Variants in NBAS observed in about 807,000 individuals in gnomAD.
The protein encoded by NBAS is NBAS subunit of NRZ tethering complex.
Under a neutral mutation model 302.5 loss-of-function variants are expected in NBAS, and 219 were observed. The observed-to-expected ratio is 0.72, with a 90% CI of 0.65 to 0.81. The LOEUF (loss-of-function observed/expected upper bound fraction) is 0.81. NBAS is among the 30% of genes least tolerant of loss of function. NBAS has a pLI of 0.00. For missense variants in NBAS, 2,932 were observed against 2,841.6 expected (o/e 1.03, Z -0.72); for synonymous variants, 1,118 against 1,021.6 (o/e 1.09, Z -1.80).
intron 44 of NBAS, among the ~76,000 whole-genome samples, chr2:15,243,555 T>C (rs549782578): frequency 6.6e-6 from 1 of 151,822 alleles, no homozygotes; most frequent in South Asian, 2.1e-4. Context: ...TATGTGGCTT[T>C]GGTTTTCAGA....
chr2:14,885,584 A>T, the NBAS span, among the ~76,000 whole-genome samples: 1 of 152,314 alleles, frequency 6.6e-6, no homozygotes, highest in African/African-American at 2.4e-5. Context: ...AGATTGATCC[A>T]CATGCGGATG....
chr2:15,062,228 C>T, the NBAS span, among the ~76,000 whole-genome samples: 4 of 152,210 alleles, frequency 2.6e-5, no homozygotes, highest in East Asian at 5.8e-4. Context: ...TACAATCTCA[C>T]CTGCCACAAC....
At chr2:14,883,238 T>G in the NBAS span, among the ~76,000 whole-genome samples, 4 of 152,184 alleles carry the variant, frequency 2.6e-5, no homozygotes, top group African/African-American at 9.6e-5. Flanking sequence ...CCTTTGAAAA[T>G]TTGTTCGTAT....
intron 31 of NBAS, among the ~76,000 whole-genome samples, chr2:15,374,343 C>A (rs1027620255): frequency 2.6e-5 from 4 of 151,998 alleles, no homozygotes; most frequent in African/African-American, 9.7e-5. Context: ...TTACTCTATA[C>A]CCTCACTGCT....
chr2:15,357,689 G>T (rs1673692073), intron 32 of NBAS, among the ~76,000 whole-genome samples: 2 of 152,016 alleles, frequency 1.3e-5, no homozygotes, highest in Non-Finnish European at 2.9e-5. Flanking sequence ...TCACACAGAT[G>T]AATATATATA....
chr2:14,900,994 G>A, the NBAS span, among the ~76,000 whole-genome samples: 470 of 152,324 alleles, frequency 3.1e-3, 2 homozygotes, highest in Non-Finnish European at 5.3e-3. Flanking sequence ...AGGTCCACAA[G>A]ATAGGGACTT....
chr2:15,548,027 C>T (rs912657235), intron 6 of NBAS, among the ~76,000 whole-genome samples: 8 of 152,092 alleles, frequency 5.3e-5, no homozygotes, highest in African/African-American at 1.9e-4. Flanking sequence ...CAGTTTTCCA[C>T]AAATTTATAC....
At chr2:15,087,456 T>A in the NBAS span, among the ~76,000 whole-genome samples, 2 of 152,276 alleles carry the variant, frequency 1.3e-5, no homozygotes, top group South Asian at 4.1e-4. Context: ...CTGTCCTTCA[T>A]CCCTAACTGG....
At chr2:15,056,834 T>A in the NBAS span, among the ~76,000 whole-genome samples, 1 of 40,900 alleles carries the variant, frequency 2.4e-5, no homozygotes, top group African/African-American at 4.1e-4. Flanking sequence ...TTTTTTTTTC[T>A]TTTTTTTTTT....
the NBAS span, among the ~76,000 whole-genome samples, chr2:14,795,686 TA>T: frequency 6.6e-6 from 1 of 152,224 alleles, no homozygotes; most frequent in Admixed American, 6.5e-5. Flanking sequence ...TTGGACTGGA[TA>T]AATCGTTGCT....
At chr2:14,992,828 G>A in the NBAS span, among the ~76,000 whole-genome samples, 742 of 152,168 alleles carry the variant, frequency 4.9e-3, 2 homozygotes, top group Admixed American at 0.01. Flanking sequence ...ATTCTAAACT[G>A]GTCAAAGGAC....
the NBAS span, among the ~76,000 whole-genome samples, chr2:15,009,413 T>G: frequency 6.6e-6 from 1 of 151,864 alleles, no homozygotes; most frequent in Non-Finnish European, 1.5e-5. Context: ...AAAAAAAGTC[T>G]CCAATTTTCA....
chr2:14,998,484 G>C, the NBAS span, among the ~76,000 whole-genome samples: 51 of 152,186 alleles, frequency 3.4e-4, no homozygotes, highest in African/African-American at 1.2e-3. Flanking sequence ...CTTGGGTGAG[G>C]CGGTACCTTA....
the NBAS span, among the ~76,000 whole-genome samples, chr2:14,838,642 A>T: frequency 6.6e-6 from 1 of 151,964 alleles, no homozygotes; most frequent in Non-Finnish European, 1.5e-5. Context: ...CCAGAGTTGA[A>T]CAGATGTTTA....
At chr2:15,014,319 G>A in the NBAS span, among the ~76,000 whole-genome samples, 2 of 152,030 alleles carry the variant, frequency 1.3e-5, no homozygotes, top group Admixed American at 6.6e-5. Context: ...GCAGAATATT[G>A]CACCCACCAG....
intron 48 of NBAS, among the ~76,000 whole-genome samples, chr2:15,216,746 T>C (rs1028987470): frequency 2.6e-5 from 4 of 152,214 alleles, no homozygotes; most frequent in Non-Finnish European, 4.4e-5. Flanking sequence ...TGTTTTAACA[T>C]GTCAGGTAAT....
chr2:15,385,399 A>T (rs1675236578), intron 28 of NBAS, among the ~76,000 whole-genome samples: 1 of 152,192 alleles, frequency 6.6e-6, no homozygotes, highest in African/African-American at 2.4e-5. Context: ...GAAGCCATCA[A>T]CACTGGGGCA....
chr2:15,081,489 C>T, the NBAS span, among the ~76,000 whole-genome samples: 1 of 152,200 alleles, frequency 6.6e-6, no homozygotes, highest in Non-Finnish European at 1.5e-5. Context: ...CCAGTGTATC[C>T]AGCCAGAGCC....
chr2:15,211,224 T>C (rs993344480), intron 48 of NBAS, among the ~76,000 whole-genome samples: 1 of 152,092 alleles, frequency 6.6e-6, no homozygotes. Context: ...TATCAAGATA[T>C]CTCATGTAAC....
Sources: gnomAD v4.1 joint callset for allele counts (sites outside exome capture counted in the v4.1 genomes callset) on GRCh38, gnomAD v4.1.1 for gene constraint, MANE v1.5 for transcripts, NCBI Gene and HGNC (gene_info 2026-07-23, HGNC 2026-07-21) for gene names.